Variants in INSC observed in about 807,000 individuals in gnomAD.
INSC encodes protein inscuteable homolog.
Under a neutral mutation model 58.6 loss-of-function variants are expected in INSC, and 67 were observed. That is an observed-to-expected ratio of 1.14 (90% CI 0.94 to 1.40). INSC has a LOEUF of 1.40. Among genes scored for constraint, INSC ranks in the 40% most tolerant of loss-of-function variants. The pLI is 0.00. For missense variants in INSC, 714 were observed against 692.0 expected, an observed-to-expected ratio of 1.03 and a Z score of -0.36; for synonymous variants, 262 against 276.1, an observed-to-expected ratio of 0.95 and a Z score of 0.51.
the INSC span, among the ~76,000 whole-genome samples, chr11:15,265,119 T>C: frequency 0.029 from 4,436 of 152,198 alleles, 99 homozygotes; most frequent in Non-Finnish European, 0.04. Context: ...AGTAAATGCT[T>C]TGTAGATTAA....
chr11:15,193,288 T>A (rs1373025098), intron 6 of INSC, among the ~76,000 whole-genome samples: 3 of 152,232 alleles, frequency 2.0e-5, no homozygotes, highest in East Asian at 1.9e-4. Context: ...GCAATTTTTT[T>A]AACCACTTTT....
chr11:15,256,862 CA>C, the INSC span, among the ~76,000 whole-genome samples: 1 of 152,262 alleles, frequency 6.6e-6, no homozygotes, highest in African/African-American at 2.4e-5. Flanking sequence ...GACCAGTCCA[CA>C]AGAGTAAAGG....
At chr11:15,162,273 T>C (rs1849044279) in intron 2 of INSC, among the ~76,000 whole-genome samples, 1 of 152,204 alleles carries the variant, frequency 6.6e-6, no homozygotes, top group Non-Finnish European at 1.5e-5. Flanking sequence ...TCTGTTGTTC[T>C]TTCTACTCTA....
downstream of INSC, among the ~76,000 whole-genome samples, chr11:15,251,141 C>A (rs1446623167): frequency 1.3e-5 from 2 of 152,312 alleles, no homozygotes; most frequent in East Asian, 1.9e-4. Context: ...AGCAAGCTAG[C>A]AGCTCCTGGA....
At chr11:15,210,767 G>T (rs1018601638) in intron 7 of INSC, among the ~76,000 whole-genome samples, 10 of 152,194 alleles carry the variant, frequency 6.6e-5, no homozygotes, top group Admixed American at 5.2e-4. Context: ...GAGTGCTTCT[G>T]GAGTGGGGCA....
chr11:15,112,599 T>A (rs549356341), upstream of INSC: 11 of 429,364 alleles, frequency 2.6e-5, no homozygotes, highest in East Asian at 3.8e-4. Context: ...TGAGTGTGTG[T>A]GTGTGTGTGT....
At chr11:15,121,205 A>G (rs1167130126) in intron 1 of INSC, among the ~76,000 whole-genome samples, 3 of 152,146 alleles carry the variant, frequency 2.0e-5, no homozygotes, top group African/African-American at 7.2e-5. Flanking sequence ...TAATGTCTTT[A>G]TGGCTCCCCA....
At chr11:15,131,494 G>A (rs1422140273) in intron 1 of INSC, among the ~76,000 whole-genome samples, 1 of 151,940 alleles carries the variant, frequency 6.6e-6, no homozygotes, top group Non-Finnish European at 1.5e-5. Flanking sequence ...TAACTTAAAT[G>A]TGCCATTCAA....
downstream of INSC, among the ~76,000 whole-genome samples, chr11:15,251,723 T>G (rs187657462): frequency 1.3e-5 from 2 of 152,018 alleles, no homozygotes; most frequent in East Asian, 1.9e-4. Flanking sequence ...GGTGGGATGG[T>G]ATGGTGGGAT....
chr11:15,189,705 A>T (rs760814704), intron 5 of INSC, among the ~76,000 whole-genome samples: 8 of 152,230 alleles, frequency 5.3e-5, no homozygotes, highest in Non-Finnish European at 8.8e-5. Context: ...GGCTGCTCAG[A>T]GCACCCAGGT....
Position 15,180,917 on chromosome 11 carries a change from A to C in INSC, c.579+2470A>C, listed in dbSNP as rs1206661235. Among the ~76,000 whole-genome samples, 3 of 152,216 alleles carry C rather than the reference A, an allele frequency of 2.0e-5. No individual in the cohort carries two copies. The East Asian group carries it at 5.8e-4, about 29-fold the overall frequency. On this transcript the variant is annotated intron_variant, in intron 5 of 12. Coordinates refer to ENST00000379556, the MANE Select transcript of INSC (RefSeq NM_001042536.3). ...AGTTTCCATACAGGGCAGCAGTGACATCAGGAGATATATTGACTGAAGACA... is the reference window on the plus strand; with the variant it reads ...AGTTTCCATACAGGGCAGCAGTGACCTCAGGAGATATATTGACTGAAGACA...
intron 1 of INSC, among the ~76,000 whole-genome samples, chr11:15,127,374 C>T (rs1848021835): frequency 6.6e-6 from 1 of 152,210 alleles, no homozygotes; most frequent in Admixed American, 6.5e-5. Flanking sequence ...TCTTTTGATG[C>T]ACCTCCATCT....
In INSC at chr11:15,219,731, T is replaced by C. The variant is rs117009556; in HGVS notation, c.820-1746T>C. Among the ~76,000 whole-genome samples, 1,432 of 152,306 alleles carry C rather than the reference T, an allele frequency of 9.4e-3. 8 individuals carry two copies. Among genetic ancestry groups the C allele is most frequent in the Non-Finnish European group, 0.014 (955 of 68,024 alleles). On this transcript the variant is annotated intron_variant, in intron 7 of 12. Transcript: ENST00000379556. ...GTTGAGATTAAGGAGACGGGATTGA[T>C]TGAGATATTTCCCCACTAATGATCC...
chr11:15,250,015 A>G (rs571327435), downstream of INSC, among the ~76,000 whole-genome samples: 184 of 152,322 alleles, frequency 1.2e-3, no homozygotes, highest in African/African-American at 4.0e-3. Context: ...ATTGCCTGAA[A>G]TCTTCCTTTA....
chr11:15,155,379 A>G (rs554819508), intron 2 of INSC, among the ~76,000 whole-genome samples: 77 of 152,334 alleles, frequency 5.1e-4, no homozygotes, highest in Non-Finnish European at 9.7e-4. Flanking sequence ...GTGCTCTGCT[A>G]ACCCTCTGTG....
chr11:15,207,578 A>C (rs1367021410), intron 7 of INSC, among the ~76,000 whole-genome samples: 1 of 152,048 alleles, frequency 6.6e-6, no homozygotes, highest in Non-Finnish European at 1.5e-5. Flanking sequence ...AGAGAGATGA[A>C]GACAGGGAGG....
chr11:15,166,156 T>C (rs538122541), intron 2 of INSC, among the ~76,000 whole-genome samples: 1 of 152,270 alleles, frequency 6.6e-6, no homozygotes, highest in East Asian at 1.9e-4. Context: ...ATATTCTATG[T>C]TGGTTCCTGG....
Position 15,246,000 on chromosome 11 carries a change from CCTT to C in INSC, c.1563_1565del (p.Phe521del). Reference sequence around the variant, plus strand: ...TTGGTCCAGCCTCGGCTGGTGGACTCCTTCTTACTCTGCAGCAACATGGAGGAG... The same window carrying C: ...TTGGTCCAGCCTCGGCTGGTGGACTCCTTACTCTGCAGCAACATGGAGGAG... On this transcript the variant is annotated inframe_deletion, in exon 13 of 13. Transcript: ENST00000379556. 2.5e-6 allele frequency: 4 copies of C among 1,614,174 alleles called. No individual in the cohort carries two copies. Among genetic ancestry groups the C allele is most frequent in the East Asian group, 2.2e-5 (1 of 44,886 alleles).
rs189694827 is a variant in INSC at position 15,209,084 on chromosome 11, G to A, written c.819+8135G>A. On this transcript the variant is annotated intron_variant, in intron 7 of 12. Transcript: ENST00000379556. ...CAGAGAGTCTGTCCTGTGTGTTCTT[G>A]GAGTGGAAATCTTCCTAGGCCTCCT... 9.2e-5 allele frequency among the ~76,000 whole-genome samples: 14 copies of A among 152,276 alleles called. No individual in the cohort carries two copies. The East Asian group carries it at 1.4e-3, about 15-fold the overall frequency.
Sources: allele counts gnomAD v4.1 joint callset (sites outside exome capture counted in the v4.1 genomes callset), GRCh38; gene constraint gnomAD v4.1.1; transcripts MANE v1.5; gene names NCBI Gene and HGNC (gene_info 2026-07-23, HGNC 2026-07-21).